Variants in DOCK10 observed in about 807,000 individuals in gnomAD.
DOCK10 encodes the protein dedicator of cytokinesis 10.
Under a neutral mutation model 280.1 loss-of-function variants are expected in DOCK10, and 145 were observed. The ratio of observed to expected loss-of-function variants is 0.52; its 90% confidence interval spans 0.45 to 0.59. The LOEUF (loss-of-function observed/expected upper bound fraction) is 0.59. Ranked by LOEUF, DOCK10 falls within the 20% of genes least tolerant of loss-of-function variation. The pLI, the probability that DOCK10 is intolerant of heterozygous loss-of-function variation, is 0.00. For missense variants in DOCK10, 2,368 were observed against 2,651.7 expected (o/e 0.89, Z 2.35); for synonymous variants, 915 against 942.2 (o/e 0.97, Z 0.53).
At chr2:224,999,143 C>T (rs1265998519) in intron 1 of DOCK10, among the ~76,000 whole-genome samples, 2 of 152,154 alleles carry the variant, frequency 1.3e-5, no homozygotes. Flanking sequence ...GCTGAGATGG[C>T]ACCACTGCAC....
At chr2:224,787,762 G>A (rs1198263793) in intron 48 of DOCK10, among the ~76,000 whole-genome samples, 1 of 152,082 alleles carries the variant, frequency 6.6e-6, no homozygotes, top group East Asian at 1.9e-4. Flanking sequence ...CTGATCATGA[G>A]ATCTCCAGTG....
chr2:224,937,994 C>T (rs981460797), intron 1 of DOCK10, among the ~76,000 whole-genome samples: 2 of 152,130 alleles, frequency 1.3e-5, no homozygotes, highest in Non-Finnish European at 2.9e-5. Flanking sequence ...GCAAATCCCT[C>T]GTGACTGAGG....
intron 4 of DOCK10, among the ~76,000 whole-genome samples, chr2:224,892,223 C>G (rs1298412756): frequency 1.3e-5 from 2 of 151,106 alleles, no homozygotes; most frequent in Non-Finnish European, 3.0e-5. Flanking sequence ...ATAGTGAAAC[C>G]CTGTCTCCAC....
At chr2:224,988,835 G>A (rs1706047975) in intron 1 of DOCK10, among the ~76,000 whole-genome samples, 1 of 152,194 alleles carries the variant, frequency 6.6e-6, no homozygotes, top group African/African-American at 2.4e-5. Context: ...TGTGTGAAGT[G>A]TTCACTGGCA....
chr2:224,802,438 A>G (rs1029232998), intron 39 of DOCK10, among the ~76,000 whole-genome samples: 6 of 152,198 alleles, frequency 3.9e-5, no homozygotes, highest in Admixed American at 6.5e-5. Flanking sequence ...TTTTGAAGAG[A>G]TAAGTGTAAA....
At position 224,770,391 on chromosome 2, in the gene DOCK10, A is replaced by G; in HGVS notation, c.6306-42T>C. On this transcript the variant is annotated intron_variant, in intron 54 of 55. Coordinates refer to ENST00000258390, the MANE Select transcript of DOCK10 (RefSeq NM_014689.3). The surrounding 1 kb of genome is among the most constrained non-coding windows in gnomAD (Gnocchi z 4.5). The stretch of plus-strand genomic sequence containing the variant: ...AAACAAATTAAAAACCAGCCCTCGG[A>G]AGTGGCATTGAGCTCAGTGACTGTG... 6.4e-7 allele frequency: 1 copy of G among 1,566,160 alleles called. No homozygotes were observed. Among genetic ancestry groups the G allele is most frequent in the Non-Finnish European group, 8.7e-7 (1 of 1,155,288 alleles).
chr2:224,920,574 G>T (rs1701646403), intron 2 of DOCK10, among the ~76,000 whole-genome samples: 1 of 136,070 alleles, frequency 7.3e-6, no homozygotes, highest in Non-Finnish European at 1.6e-5. Context: ...TATTCGGATG[G>T]ATAATTTACA....
chr2:224,791,572 C>A (rs543764011), intron 47 of DOCK10, among the ~76,000 whole-genome samples: 1 of 151,330 alleles, frequency 6.6e-6, no homozygotes, highest in East Asian at 1.9e-4. Context: ...TCAAGCAATT[C>A]TCTGCCTCAG....
intron 1 of DOCK10, among the ~76,000 whole-genome samples, chr2:225,009,638 C>A (rs374550143): frequency 7.0e-4 from 95 of 135,502 alleles, no homozygotes; most frequent in Admixed American, 1.2e-3. Context: ...AGCCCTAAGG[C>A]AAAAAAAAAA....
At chr2:224,780,874 T>C (rs1016447246) in intron 50 of DOCK10, among the ~76,000 whole-genome samples, 12 of 150,522 alleles carry the variant, frequency 8.0e-5, no homozygotes, top group Admixed American at 1.3e-4. Flanking sequence ...CACTCCAGCC[T>C]GGGTGACACA....
chr2:224,974,279 G>T (rs1167143569), intron 1 of DOCK10, among the ~76,000 whole-genome samples: 3 of 152,122 alleles, frequency 2.0e-5, no homozygotes, highest in African/African-American at 7.2e-5. Context: ...AATGTATTGG[G>T]CATGGTCTTA....
At chr2:224,842,244 T>A (rs1696014198) in intron 22 of DOCK10, among the ~76,000 whole-genome samples, 2 of 152,356 alleles carry the variant, frequency 1.3e-5, no homozygotes, top group South Asian at 4.1e-4. Context: ...CATAGACTTC[T>A]ACCAATTTCT....
At chr2:224,791,158 T>C (rs552382688) in intron 47 of DOCK10, among the ~76,000 whole-genome samples, 1 of 152,348 alleles carries the variant, frequency 6.6e-6, no homozygotes, top group Non-Finnish European at 1.5e-5. Flanking sequence ...AACTAACACC[T>C]GCCTTTACTG....
intron 13 of DOCK10, among the ~76,000 whole-genome samples, chr2:224,863,166 T>C (rs1225776988): frequency 1.3e-5 from 2 of 152,212 alleles, no homozygotes; most frequent in South Asian, 2.1e-4. Context: ...ATGGGCCATA[T>C]AGTCTCTGTC....
At chr2:225,007,182 T>C (rs1452776896) in intron 1 of DOCK10, among the ~76,000 whole-genome samples, 3 of 152,208 alleles carry the variant, frequency 2.0e-5, no homozygotes, top group African/African-American at 4.8e-5. Flanking sequence ...AATTAAGTCA[T>C]GATAATCTTA....
chr2:224,806,458 A>G (rs1693402668), intron 33 of DOCK10, among the ~76,000 whole-genome samples: 1 of 152,326 alleles, frequency 6.6e-6, no homozygotes, highest in African/African-American at 2.4e-5. Context: ...AATGTTGTAG[A>G]AACAATCTTT....
At chr2:224,866,963 G>A (rs1485180598) in intron 11 of DOCK10, among the ~76,000 whole-genome samples, 1 of 151,900 alleles carries the variant, frequency 6.6e-6, no homozygotes, top group Non-Finnish European at 1.5e-5. Flanking sequence ...AAGGAGCCCT[G>A]GTTCCTTACA....
intron 1 of DOCK10, among the ~76,000 whole-genome samples, chr2:225,032,947 T>A (rs570169503): frequency 3.5e-4 from 53 of 152,342 alleles, no homozygotes; most frequent in Middle Eastern, 6.8e-3. Context: ...AAGATAATTA[T>A]ATGAAGAAAA....
chr2:225,025,247 T>C (rs1271589304), intron 1 of DOCK10, among the ~76,000 whole-genome samples: 2 of 152,036 alleles, frequency 1.3e-5, no homozygotes, highest in African/African-American at 4.8e-5. Context: ...AAAGACCAAA[T>C]TAAAGGGCTG....
Sources: gnomAD v4.1 joint callset for allele counts (sites outside exome capture counted in the v4.1 genomes callset) on GRCh38, gnomAD v4.1.1 for gene constraint, Gnocchi (gnomAD v3.1) non-coding constraint, MANE v1.5 for transcripts, NCBI Gene and HGNC (gene_info 2026-07-23, HGNC 2026-07-21) for gene names.